Variants in SETDB1 observed in about 807,000 individuals in gnomAD.
SETDB1 encodes the protein SET domain bifurcated histone lysine methyltransferase 1.
A neutral mutation model predicts 137.4 loss-of-function variants in SETDB1; 31 were observed. That is an observed-to-expected ratio of 0.23 (90% CI 0.17 to 0.30). SETDB1 has a LOEUF of 0.30. Among genes scored for constraint, SETDB1 ranks in the 10% least tolerant of loss-of-function variants. The pLI, the probability that SETDB1 is intolerant of heterozygous loss-of-function variation, is 1.00. For synonymous variants in SETDB1, 548 were observed against 579.9 expected, an observed-to-expected ratio of 0.95 and a Z score of 0.79; for missense variants, 1,113 against 1,631.5, an observed-to-expected ratio of 0.68 and a Z score of 5.47.
intron 3 of SETDB1, among the ~76,000 whole-genome samples, chr1:150,938,551 G>A (rs897857036): frequency 2.2e-4 from 34 of 152,178 alleles, no homozygotes; most frequent in African/African-American, 7.7e-4. Flanking sequence ...AGGCTGGAGT[G>A]CAGTGGCACG....
At chr1:150,926,749 C>T (rs1294487918) in intron 1 of SETDB1, 1 of 533,336 alleles carries the variant, frequency 1.9e-6, no homozygotes, top group Admixed American at 1.9e-5. Context: ...TTTTCTTTAA[C>T]CGTTTGATTA....
intron 3 of SETDB1, among the ~76,000 whole-genome samples, chr1:150,934,588 T>C (rs1055884334): frequency 1.3e-5 from 2 of 152,212 alleles, no homozygotes; most frequent in Non-Finnish European, 2.9e-5. Context: ...GCCAATAATC[T>C]AGTGTTATAA....
Position 150,927,985 on chromosome 1 carries a change from C to T in SETDB1, c.260+11C>T. 3 of 1,611,612 alleles carry T rather than the reference C, an allele frequency of 1.9e-6. No homozygotes were observed. The highest frequency in any genetic ancestry group is 2.5e-6 in the Non-Finnish European group (3 of 1,178,100). ...TGATGATGCATCCAGGTGAGAACTC[C>T]ATGGAAAATAGAAGGAAATCTCTCC... On this transcript the variant is annotated intron_variant, in intron 2 of 21. Transcript: ENST00000692827.
At chr1:150,951,767 G>A (rs1670495693) in intron 14 of SETDB1, among the ~76,000 whole-genome samples, 1 of 152,190 alleles carries the variant, frequency 6.6e-6, no homozygotes, top group Non-Finnish European at 1.5e-5. Context: ...TTAACAGATT[G>A]TGATTTACAC....
chr1:150,931,130 C>G (rs764632761), intron 3 of SETDB1, among the ~76,000 whole-genome samples: 4 of 151,660 alleles, frequency 2.6e-5, no homozygotes, highest in Non-Finnish European at 4.4e-5. Context: ...CATGGTGGTG[C>G]ACCCCAGTAA....
Position 150,927,909 on chromosome 1 carries a change from G to C in SETDB1, c.195G>C (p.Glu65Asp). The C allele has an allele frequency of 6.2e-7, 1 of 1,614,236 alleles. No homozygotes were observed. Among genetic ancestry groups the C allele is most frequent in the African/African-American group, 1.3e-5 (1 of 75,064 alleles). The change falls in exon 2 of 22, where the codon GAG becomes GAC. Residue 65 changes from glutamate (E) to aspartate (D), a missense_variant. Transcript: ENST00000692827. ...QQRKKQLAEL[E>D]TWVIQKESEV... is the part of the protein sequence containing the mutation. The stretch of plus-strand genomic sequence containing the variant: ...GCAAGAAGCAGCTAGCAGAGTTAGA[G>C]ACATGGGTAATACAGAAAGAATCTG...
rs138641374 is a variant in SETDB1, at chr1:150,943,968, G to A, written c.924G>A (p.Ser308=). The part of the protein sequence containing the change: ...DDGYASYVTQ[S]ELYPICRPLK... ...GCTATGCTTCCTATGTCACACAGTC[G>A]GAACTGTATCCCATTTGCCGGCCAC... is the stretch of plus-strand genomic sequence containing the variant. The change falls in exon 8 of 22, where the codon TCG becomes TCA. Residue 308 remains serine (S), a synonymous_variant. Coordinates refer to ENST00000692827, the MANE Select transcript of SETDB1 (RefSeq NM_001366418.1). 501 of 1,613,014 alleles carry A rather than the reference G, an allele frequency of 3.1e-4. 1 individual carries two copies. The highest frequency in any genetic ancestry group is 2.9e-4 in the East Asian group (13 of 44,868).
At chr1:150,930,202 A>G (rs995428312) in intron 3 of SETDB1, 84 bp downstream of exon 3, 1 of 1,223,630 alleles carries the variant, frequency 8.2e-7, no homozygotes. Context: ...AATAGAAGAG[A>G]GGAGAAACCA....
chr1:150,937,497 G>A (rs1669981533), intron 3 of SETDB1, among the ~76,000 whole-genome samples: 2 of 152,062 alleles, frequency 1.3e-5, no homozygotes, highest in African/African-American at 4.8e-5. Context: ...TTTTGCTTAC[G>A]GTCCTGGCTA....
rs779233425 is a variant in SETDB1 at position 150,950,565 on chromosome 1, C to G, written c.1691C>G (p.Ser564Cys). 2 of 1,614,058 alleles carry G rather than the reference C, an allele frequency of 1.2e-6. No individual in the cohort carries two copies. Among genetic ancestry groups the G allele is most frequent in the East Asian group, 4.5e-5 (2 of 44,886 alleles). The change falls in exon 13 of 22, where the codon TCC becomes TGC. Residue 564 changes from serine (S) to cysteine (C), a missense_variant. Ser to Cys is a moderately radical substitution (Grantham distance 112, BLOSUM62 -1). This residue lies in a region of SETDB1 where 192 missense variants were observed against 198.1 expected (regional missense o/e 0.97). Transcript: ENST00000692827. ...GMLERAPAEPSYRAPMEKLFY... is the reference protein window; with the variant it reads ...GMLERAPAEPCYRAPMEKLFY... ...CTGGAGCGGGCCCCAGCAGAGCCCTCCTACCGTGCTCCCATGGAGAAGCTT... is the reference window on the plus strand; with the variant it reads ...CTGGAGCGGGCCCCAGCAGAGCCCTGCTACCGTGCTCCCATGGAGAAGCTT...
At position 150,963,081 on chromosome 1, in the gene SETDB1, C is replaced by T. The variant is rs1317170314; in HGVS notation, c.3402C>T (p.Ile1134=). Reference sequence around the variant, plus strand: ...CTACAGCGGTTGACAGTGATGATATCCAGACCATATCCTCTGGCTCTGAAG... The same window carrying T: ...CTACAGCGGTTGACAGTGATGATATTCAGACCATATCCTCTGGCTCTGAAG... ...TSATAVDSDD[I]QTISSGSEGD... is the part of the protein sequence containing the mutation. The change falls in exon 19 of 22, where the codon ATC becomes ATT. Residue 1134 remains isoleucine (I), a synonymous_variant. Transcript: ENST00000692827. The T allele has an allele frequency of 6.2e-7, 1 of 1,614,028 alleles. No individual in the cohort carries two copies. Among genetic ancestry groups the T allele is most frequent in the African/African-American group, 1.3e-5 (1 of 74,922 alleles).
intron 1 of SETDB1, among the ~76,000 whole-genome samples, chr1:150,927,315 C>T (rs1021365449): frequency 1.3e-5 from 2 of 152,004 alleles, no homozygotes; most frequent in African/African-American, 4.8e-5. Flanking sequence ...TTTGTAAAGA[C>T]GAGTCTTGCC....
chr1:150,945,085 A>G lies in SETDB1; in HGVS notation c.1117A>G (p.Ser373Gly), dbSNP rs1309373500. ...WKSRVEEVDG[S>G]LVRILFLDDK... ...GTCCCGAGTTGAGGAGGTGGATGGC[A>G]GCCTAGTCAGGATCCTCTTCCTGGT... The change falls in exon 9 of 22, where the codon AGC (serine) becomes GGC (glycine). Residue 373 changes from serine (S) to glycine (G), a missense_variant. Physicochemically the swap from Ser to Gly is moderately conservative, Grantham distance 56. Around this residue, in one of 11 missense-constraint regions of SETDB1, gnomAD observed 154 missense variants for 303.1 expected, o/e 0.51. Coordinates refer to ENST00000692827, the MANE Select transcript of SETDB1 (RefSeq NM_001366418.1). 6.2e-7 allele frequency: 1 copy of G among 1,614,128 alleles called. No homozygotes were observed.
In SETDB1 at chr1:150,944,911, GA is replaced by G. The variant is rs1670278224; in HGVS notation, c.950-4del. The G allele has an allele frequency of 2.5e-6, 4 of 1,613,812 alleles. No individual in the cohort carries two copies. The highest frequency in any genetic ancestry group is 3.4e-6 in the Non-Finnish European group (4 of 1,179,976). On this transcript the variant is annotated splice_region_variant and splice_polypyrimidine_tract_variant and intron_variant, in intron 8 of 21. Transcript: ENST00000692827. Reference sequence around the variant, plus strand: ...GCCCTCTCAGTTCTACTTCTTCCTTGAAACAGTGAAAAAGACTTGGGAGGAC... The same window carrying G: ...GCCCTCTCAGTTCTACTTCTTCCTTGAACAGTGAAAAAGACTTGGGAGGAC...
At chr1:150,955,969 G>A (rs1428848296) in intron 14 of SETDB1, among the ~76,000 whole-genome samples, 1 of 151,980 alleles carries the variant, frequency 6.6e-6, no homozygotes, top group Non-Finnish European at 1.5e-5. Flanking sequence ...GCACATGCCT[G>A]TAGTGCTAGC....
At chr1:150,939,580 C>T (rs1331518878) in intron 3 of SETDB1, among the ~76,000 whole-genome samples, 1 of 152,050 alleles carries the variant, frequency 6.6e-6, no homozygotes, top group African/African-American at 2.4e-5. Context: ...CCACCTTGGC[C>T]TTCCAAAGTG....
chr1:150,962,881 C>G, intron 18 of SETDB1, 93 bp from the exon 19 acceptor site: 1 of 1,508,594 alleles, frequency 6.6e-7, no homozygotes, highest in South Asian at 1.2e-5. Context: ...CCTCTTGCCA[C>G]CGCCCTTTCC....
At chr1:150,952,466 G>A (rs187914238) in intron 14 of SETDB1, among the ~76,000 whole-genome samples, 1 of 152,230 alleles carries the variant, frequency 6.6e-6, no homozygotes, top group East Asian at 1.9e-4. Context: ...GTAGAATCAA[G>A]GACAATTCCT....
intron 16 of SETDB1, 102 bp downstream of exon 16, chr1:150,961,293 G>A: frequency 8.2e-7 from 1 of 1,226,102 alleles, no homozygotes. Context: ...TCTACTTGAT[G>A]GATATTTCTG....
Sources: allele counts gnomAD v4.1 joint callset (sites outside exome capture counted in the v4.1 genomes callset), GRCh38; gene constraint gnomAD v4.1.1; regional missense constraint gnomAD v4.1.1; transcripts MANE v1.5; gene names NCBI Gene and HGNC (gene_info 2026-07-23, HGNC 2026-07-21).